MRTFB: variants seen among roughly 807,000 people sequenced by gnomAD.
MRTFB encodes the protein myocardin-related transcription factor B.
Under a neutral mutation model 104.2 loss-of-function variants are expected in MRTFB, and 29 were observed. The ratio of observed to expected loss-of-function variants is 0.28; its 90% CI spans 0.21 to 0.38. The LOEUF (loss-of-function observed/expected upper bound fraction) is 0.38, where lower values mean the gene tolerates loss of function less well. Ranked by LOEUF, MRTFB falls within the 10% of genes least tolerant of loss-of-function variation. The pLI is 1.00. For synonymous variants in MRTFB, 535 were observed against 519.5 expected, an observed-to-expected ratio of 1.03 and a Z score of -0.41; for missense variants, 1,270 against 1,341.6, an observed-to-expected ratio of 0.95 and a Z score of 0.83.
the MRTFB span, among the ~76,000 whole-genome samples, chr16:14,015,278 G>A: frequency 6.6e-6 from 1 of 152,292 alleles, no homozygotes; most frequent in East Asian, 1.9e-4. Flanking sequence ...GGGACTATCC[G>A]CTTAGAGTTC....
At chr16:14,025,080 C>T in the MRTFB span, among the ~76,000 whole-genome samples, 1 of 152,246 alleles carries the variant, frequency 6.6e-6, no homozygotes, top group Admixed American at 6.5e-5. Flanking sequence ...TATGCACCAA[C>T]TGAGGGTTGT....
At chr16:14,097,295 CA>C (rs2035433557) in intron 2 of MRTFB, among the ~76,000 whole-genome samples, 2 of 152,182 alleles carry the variant, frequency 1.3e-5, no homozygotes, top group African/African-American at 4.8e-5. Flanking sequence ...AGTGACCAAG[CA>C]TTCAGTTCTG....
chr16:14,015,242 G>A, the MRTFB span, among the ~76,000 whole-genome samples: 6 of 152,350 alleles, frequency 3.9e-5, no homozygotes, highest in South Asian at 1.2e-3. Context: ...GGAAACGAAT[G>A]CACACAGGCA....
intron 3 of MRTFB, among the ~76,000 whole-genome samples, chr16:14,183,947 C>T (rs117462393): frequency 0.017 from 2,566 of 151,916 alleles, 59 homozygotes; most frequent in Non-Finnish European, 0.022. Context: ...AAGATACATA[C>T]ACACACAGAT....
chr16:14,176,901 A>G (rs2150992563), intron 3 of MRTFB, among the ~76,000 whole-genome samples: 1 of 152,346 alleles, frequency 6.6e-6, no homozygotes, highest in Admixed American at 6.5e-5. Context: ...AGGTATCATG[A>G]GTGTTCAGAG....
chr16:14,212,328 T>C (rs1001335491), intron 4 of MRTFB, 26 bp from the exon 5 acceptor site: 2 of 1,612,704 alleles, frequency 1.2e-6, no homozygotes, highest in Non-Finnish European at 8.5e-7. Flanking sequence ...CTATTTATAC[T>C]GTGGAAACCA....
intron 2 of MRTFB, among the ~76,000 whole-genome samples, chr16:14,126,405 A>G (rs1312060258): frequency 6.6e-6 from 1 of 152,170 alleles, no homozygotes; most frequent in African/African-American, 2.4e-5. Flanking sequence ...ATTCATCAGA[A>G]TATTTTTCTT....
chr16:14,023,606 CACACATACATATACATATACATATACAT>C, the MRTFB span, among the ~76,000 whole-genome samples: 15 of 39,594 alleles, frequency 3.8e-4, no homozygotes, highest in Non-Finnish European at 7.1e-4. Context: ...CACACACACA[CACACATACATATACATATACATATACAT>C]ATACATATAC....
chr16:14,022,044 C>A, the MRTFB span, among the ~76,000 whole-genome samples: 2 of 152,202 alleles, frequency 1.3e-5, no homozygotes, highest in African/African-American at 4.8e-5. Context: ...AAGTTCTCTG[C>A]CTTTAAGGGC....
intron 3 of MRTFB, among the ~76,000 whole-genome samples, chr16:14,189,685 ATG>A (rs2040090549): frequency 6.6e-6 from 1 of 152,180 alleles, no homozygotes; most frequent in African/African-American, 2.4e-5. Flanking sequence ...ATTTTTTCAA[ATG>A]TCTGAATTAT....
intron 2 of MRTFB, among the ~76,000 whole-genome samples, chr16:14,139,983 T>G (rs1243980033): frequency 6.6e-6 from 1 of 152,210 alleles, no homozygotes; most frequent in Non-Finnish European, 1.5e-5. Flanking sequence ...GAGCCAGGTT[T>G]TACTGTGATA....
At chr16:14,204,624 A>G (rs960310253) in intron 3 of MRTFB, among the ~76,000 whole-genome samples, 6 of 152,234 alleles carry the variant, frequency 3.9e-5, no homozygotes, top group Non-Finnish European at 8.8e-5. Context: ...GGATTAAGTA[A>G]AAATTTCAAA....
chr16:14,109,578 C>T (rs2036166835), intron 2 of MRTFB, among the ~76,000 whole-genome samples: 3 of 152,160 alleles, frequency 2.0e-5, no homozygotes, highest in Non-Finnish European at 4.4e-5. Flanking sequence ...ATATGGACAG[C>T]TTGCCAAAGT....
At chr16:14,043,932 G>A in the MRTFB span, among the ~76,000 whole-genome samples, 1 of 152,206 alleles carries the variant, frequency 6.6e-6, no homozygotes, top group Non-Finnish European at 1.5e-5. Flanking sequence ...GCAGTGATAG[G>A]AGCACTCAGT....
At chr16:14,003,447 T>C in the MRTFB span, among the ~76,000 whole-genome samples, 1 of 152,298 alleles carries the variant, frequency 6.6e-6, no homozygotes, top group South Asian at 2.1e-4. Context: ...CTGCCGTGGT[T>C]TGGAAATCAG....
chr16:14,259,893 A>G (rs2043692069), intron 16 of MRTFB, among the ~76,000 whole-genome samples: 1 of 152,258 alleles, frequency 6.6e-6, no homozygotes, highest in African/African-American at 2.4e-5. Context: ...CACAGTTGAC[A>G]ATTCATTTAT....
intron 8 of MRTFB, among the ~76,000 whole-genome samples, chr16:14,224,659 G>C (rs1430573349): frequency 6.6e-6 from 1 of 152,214 alleles, no homozygotes; most frequent in African/African-American, 2.4e-5. Context: ...AAGCCTTGAA[G>C]ACCAGAAGGC....
chr16:14,223,604 C>T (rs1302972416), intron 8 of MRTFB, among the ~76,000 whole-genome samples: 2 of 151,908 alleles, frequency 1.3e-5, no homozygotes, highest in Non-Finnish European at 2.9e-5. Flanking sequence ...GCTTGAACAG[C>T]AGACTCAAAC....
the MRTFB span, chr16:14,016,012 CCTAT>C: frequency 5.0e-6 from 2 of 398,614 alleles, no homozygotes; most frequent in Non-Finnish European, 8.8e-6. Flanking sequence ...CTGCCTCTAC[CCTAT>C]CTAACTTCTC....
Sources: gnomAD v4.1 joint callset for allele counts (sites outside exome capture counted in the v4.1 genomes callset) on GRCh38, gnomAD v4.1.1 for gene constraint, MANE v1.5 for transcripts, NCBI Gene and HGNC (gene_info 2026-07-23, HGNC 2026-07-21) for gene names.